The following PDE3A variants were observed in gnomAD, a reference collection of about 807,000 sequenced individuals.
PDE3A encodes the protein cGMP-inhibited 3',5'-cyclic phosphodiesterase 3A.
PDE3A carries 43 observed loss-of-function variants against 98.3 expected under a neutral mutation model. The observed-to-expected ratio is 0.44, with a 90% CI of 0.34 to 0.56. The LOEUF (loss-of-function observed/expected upper bound fraction) is 0.56, where lower values mean the gene tolerates loss of function less well. PDE3A is among the 20% of genes least tolerant of loss of function. The probability of loss-of-function intolerance (pLI) is 0.01; values close to 1 mark genes in which losing one functional copy is unlikely to be tolerated. For synonymous variants in PDE3A, 663 were observed against 567.9 expected, an observed-to-expected ratio of 1.17 and a Z score of -2.38; for missense variants, 1,427 against 1,440.7, an observed-to-expected ratio of 0.99 and a Z score of 0.15.
At chr12:20,550,938 C>A (rs1054817475) in intron 1 of PDE3A, among the ~76,000 whole-genome samples, 4 of 150,850 alleles carry the variant, frequency 2.7e-5, no homozygotes, top group African/African-American at 9.7e-5. Flanking sequence ...ATTTTTAGAT[C>A]TTAGTTTACT....
intron 1 of PDE3A, among the ~76,000 whole-genome samples, chr12:20,446,925 C>T (rs931144542): frequency 1.1e-4 from 17 of 152,116 alleles, no homozygotes; most frequent in African/African-American, 3.9e-4. Context: ...AAACAGCAAG[C>T]GTAAATCTCA....
At chr12:20,467,451 T>TA (rs1945358506) in intron 1 of PDE3A, among the ~76,000 whole-genome samples, 1 of 152,278 alleles carries the variant, frequency 6.6e-6, no homozygotes, top group South Asian at 2.1e-4. Context: ...AAATGACTTA[T>TA]AAAAATGTAT....
chr12:20,635,655 A>G (rs1167438279), intron 8 of PDE3A, among the ~76,000 whole-genome samples: 1 of 148,494 alleles, frequency 6.7e-6, no homozygotes, highest in Non-Finnish European at 1.5e-5. Context: ...TGGGAGGCTG[A>G]GGGAGGAGAA....
chr12:20,400,507 C>T (rs11045218), intron 1 of PDE3A, among the ~76,000 whole-genome samples: 6,867 of 149,412 alleles, frequency 0.046, 467 homozygotes, highest in African/African-American at 0.14. Flanking sequence ...CCCTGGTTCA[C>T]ACCATTCTCC....
chr12:20,382,336 G>T (rs1483147990), intron 1 of PDE3A, among the ~76,000 whole-genome samples: 3 of 151,858 alleles, frequency 2.0e-5, no homozygotes, highest in South Asian at 4.1e-4. Flanking sequence ...GTTTAAAAGT[G>T]CTTGGCTCAG....
At chr12:20,665,945 A>G (rs1945296857) in intron 15 of PDE3A, among the ~76,000 whole-genome samples, 1 of 146,290 alleles carries the variant, frequency 6.8e-6, no homozygotes, top group South Asian at 2.2e-4. Context: ...TGTCACCTCG[A>G]GTATTTGTCA....
At chr12:20,380,822 T>C (rs1943651134) in intron 1 of PDE3A, among the ~76,000 whole-genome samples, 1 of 151,846 alleles carries the variant, frequency 6.6e-6, no homozygotes. Flanking sequence ...TATTACAAAC[T>C]GAGACATTCA....
At chr12:20,647,320 T>C (rs1377247537) in intron 12 of PDE3A, among the ~76,000 whole-genome samples, 1 of 152,212 alleles carries the variant, frequency 6.6e-6, no homozygotes, top group East Asian at 1.9e-4. Flanking sequence ...TTTCTTTGTA[T>C]ATAAATACCA....
At chr12:20,608,722 A>T (rs1375578058) in intron 2 of PDE3A, among the ~76,000 whole-genome samples, 1 of 152,072 alleles carries the variant, frequency 6.6e-6, no homozygotes, top group Non-Finnish European at 1.5e-5. Context: ...ATAATTATAA[A>T]AAAACTTGTC....
intron 1 of PDE3A, among the ~76,000 whole-genome samples, chr12:20,455,341 C>T (rs1945136501): frequency 1.3e-5 from 2 of 151,732 alleles, no homozygotes; most frequent in African/African-American, 4.8e-5. Flanking sequence ...AGGTTCCTTA[C>T]AGATGCTGGA....
At chr12:20,643,741 A>G (rs1291415300) in intron 10 of PDE3A, among the ~76,000 whole-genome samples, 2 of 152,134 alleles carry the variant, frequency 1.3e-5, no homozygotes, top group African/African-American at 4.8e-5. Context: ...TCATAAAATG[A>G]GTTTGGCAGC....
intron 1 of PDE3A, among the ~76,000 whole-genome samples, chr12:20,525,287 T>TG (rs1348653356): frequency 1.3e-5 from 2 of 152,184 alleles, no homozygotes; most frequent in Non-Finnish European, 2.9e-5. Flanking sequence ...CTTACAAAAA[T>TG]ATGTTGTGTA....
chr12:20,619,892 G>A (rs1478490822), intron 4 of PDE3A, among the ~76,000 whole-genome samples: 1 of 152,012 alleles, frequency 6.6e-6, no homozygotes, highest in Non-Finnish European at 1.5e-5. Context: ...GTGTCAGAGT[G>A]TCAAATTGAC....
chr12:20,527,858 A>G (rs188173271), intron 1 of PDE3A, among the ~76,000 whole-genome samples: 1 of 150,518 alleles, frequency 6.6e-6, no homozygotes, highest in East Asian at 2.0e-4. Context: ...CCATCATTTT[A>G]TATGTTGCGG....
At chr12:20,558,493 G>A (rs1242165630) in intron 2 of PDE3A, among the ~76,000 whole-genome samples, 1 of 151,612 alleles carries the variant, frequency 6.6e-6, no homozygotes, top group East Asian at 1.9e-4. Context: ...GTATACCTTT[G>A]TCCCATTTTG....
chr12:20,418,095 C>G (rs1944452263), intron 1 of PDE3A, among the ~76,000 whole-genome samples: 1 of 152,032 alleles, frequency 6.6e-6, no homozygotes, highest in African/African-American at 2.4e-5. Flanking sequence ...CAGAGCCTCC[C>G]TGTAAGCTGT....
In PDE3A at chr12:20,477,253, G is replaced by A. The variant is rs755941510; in HGVS notation, c.961-79407G>A. Among the ~76,000 whole-genome samples the A allele has an allele frequency of 2.0e-5, 3 of 152,176 alleles. No homozygotes were observed. In the East Asian group the frequency reaches 5.8e-4, roughly 29 times the overall value. On this transcript the variant is annotated intron_variant, in intron 1 of 15. Coordinates refer to ENST00000359062, the MANE Select transcript of PDE3A (RefSeq NM_000921.5). ...AAATCCTATGCATTTGACTAAGATT[G>A]CCTGTGAAATCTGGCGCTGCTAAAA...
intron 2 of PDE3A, among the ~76,000 whole-genome samples, chr12:20,593,062 T>C (rs1223613734): frequency 6.6e-6 from 1 of 152,162 alleles, no homozygotes; most frequent in Non-Finnish European, 1.5e-5. Context: ...AATATCATAA[T>C]AGATGTTGAA....
chr12:20,584,631 TTTA>T (rs1943148933), intron 2 of PDE3A, among the ~76,000 whole-genome samples: 1 of 152,186 alleles, frequency 6.6e-6, no homozygotes, highest in Non-Finnish European at 1.5e-5. Context: ...CTATTGTCCC[TTTA>T]TTACATTACA....
Sources: gnomAD v4.1 joint callset for allele counts (sites outside exome capture counted in the v4.1 genomes callset) on GRCh38, gnomAD v4.1.1 for gene constraint, MANE v1.5 for transcripts, NCBI Gene and HGNC (gene_info 2026-07-23, HGNC 2026-07-21) for gene names.